The following ADAM9 variants were observed in gnomAD, a reference collection of about 807,000 sequenced individuals.
ADAM9 encodes the protein disintegrin and metalloproteinase domain-containing protein 9.
ADAM9 carries 54 observed loss-of-function variants against 108.1 expected under a neutral mutation model. The ratio of observed to expected loss-of-function variants is 0.50; its 90% CI spans 0.40 to 0.63. The LOEUF (loss-of-function observed/expected upper bound fraction) is 0.63, where lower values mean the gene tolerates loss of function less well. Ranked by LOEUF, ADAM9 falls within the 20% of genes least tolerant of loss-of-function variation. ADAM9 has a pLI of 0.00. For synonymous variants in ADAM9, 316 were observed against 336.0 expected (o/e 0.94, Z 0.65); for missense variants, 830 against 997.7 (o/e 0.83, Z 2.26).
chr8:39,017,529 A>G lies in ADAM9; in HGVS notation c.606+115A>G, dbSNP rs539729812. 7.6e-6 allele frequency: 8 copies of G among 1,045,782 alleles called. No homozygotes were observed. In the African/African-American group the frequency reaches 1.1e-4, roughly 14 times the overall value. 64.8% of individuals were successfully genotyped at this position (1,045,782 alleles called of 1,614,324 possible). ...TTTTTTTTCTTTTCTTAATTTTGCC[A>G]AATATATGCCAGACATTGTGATAGG... is the stretch of plus-strand genomic sequence containing the variant. On this transcript the variant is annotated intron_variant, in intron 6 of 21. Coordinates refer to ENST00000487273, the MANE Select transcript of ADAM9 (RefSeq NM_003816.3).
In ADAM9 at chr8:39,104,186, AATC is replaced by A. The variant is rs1186802215; in HGVS notation, c.*492_*494del. ...TATTTTTCATCATGCACGAATTAAT[AATC>A]ATCATACTCTAGAATCTTGTCTGTC... On this transcript the variant is annotated 3_prime_UTR_variant, in exon 22 of 22. Transcript: ENST00000487273. 5.5e-5 allele frequency: 25 copies of A among 454,044 alleles called. No individual in the cohort carries two copies. Among genetic ancestry groups the A allele is most frequent in the Admixed American group, 1.6e-4 (7 of 42,560 alleles). 28.1% of individuals were successfully genotyped at this position (454,044 alleles called of 1,614,324 possible). A position where few individuals can be genotyped will look rare whatever the true frequency, so the allele number is the denominator to read the frequency against.
At chr8:39,008,066 A>G in intron 2 of ADAM9, 83 bp downstream of exon 2, 1 of 1,021,194 alleles carries the variant, frequency 9.8e-7, no homozygotes, top group Non-Finnish European at 1.5e-6. Flanking sequence ...TGTAGCAGTG[A>G]TCAGTTCAGT....
chr8:39,083,067 T>C lies in ADAM9; in HGVS notation c.2062T>C (p.Tyr688His). ...YGGSVDSGPTYNEMNTALRDG... is the reference protein window; with the variant it reads ...YGGSVDSGPTHNEMNTALRDG... ...AGGAAGTGTGGACAGTGGACCTACATACAATGGCAAGTAATATAGAAGAAA... is the reference window on the plus strand; with the variant it reads ...AGGAAGTGTGGACAGTGGACCTACACACAATGGCAAGTAATATAGAAGAAA... The change falls in exon 18 of 22, where the codon TAC becomes CAC. Residue 688 changes from tyrosine to histidine, a missense_variant. Tyr to His is a moderately conservative substitution (Grantham distance 83). Transcript: ENST00000487273. 1.2e-6 allele frequency: 2 copies of C among 1,613,402 alleles called. No homozygotes were observed. The highest frequency in any genetic ancestry group is 1.3e-5 in the African/African-American group (1 of 75,010).
chr8:39,018,731 A>G (rs1836631754), intron 6 of ADAM9, 122 bp from the exon 7 acceptor site: 7 of 870,198 alleles, frequency 8.0e-6, no homozygotes, highest in Non-Finnish European at 1.1e-5. Flanking sequence ...TTGATATAGG[A>G]TATGTTAAGT....
chr8:39,096,329 T>A (rs1403319287), intron 20 of ADAM9, among the ~76,000 whole-genome samples: 5 of 151,836 alleles, frequency 3.3e-5, no homozygotes, highest in East Asian at 1.9e-4. Context: ...TTTGTGCATA[T>A]TCTATAGCAC....
rs1292440809 is a variant in ADAM9 at position 39,017,273 on chromosome 8, C to G, written c.465C>G (p.Ser155Arg). 1.2e-6 allele frequency: 2 copies of G among 1,614,146 alleles called. No homozygotes were observed. The highest frequency in any genetic ancestry group is 1.7e-6 in the Non-Finnish European group (2 of 1,180,022). The change falls in exon 6 of 22, where the codon AGC (serine) becomes AGG (arginine). Residue 155 changes from serine (S) to arginine (R), a missense_variant. By Grantham distance (110) the Ser-to-Arg change is moderately radical. Around this residue, in one of 3 missense-constraint regions of ADAM9, gnomAD observed 211 missense variants for 222.2 expected, o/e 0.95. Coordinates refer to ENST00000487273, the MANE Select transcript of ADAM9 (RefSeq NM_003816.3). ...ASYGIEPLQN[S>R]SHFEHIIYRM... is the part of the protein sequence containing the mutation. ...ATGGGATTGAACCCCTGCAGAACAG[C>G]TCTCATTTTGAGCACATCATTTATC... is the stretch of plus-strand genomic sequence containing the variant.
intron 15 of ADAM9, among the ~76,000 whole-genome samples, chr8:39,073,327 G>A (rs572324927): frequency 1.2e-4 from 18 of 152,248 alleles, no homozygotes; most frequent in Admixed American, 1.0e-3. Flanking sequence ...TTTTTGCTGT[G>A]TATGTTTTAA....
chr8:39,013,231 G>A (rs1836414690), intron 3 of ADAM9, among the ~76,000 whole-genome samples: 1 of 152,082 alleles, frequency 6.6e-6, no homozygotes, highest in Non-Finnish European at 1.5e-5. Flanking sequence ...TACTTAGGAG[G>A]TTAATTCTTA....
intron 20 of ADAM9, among the ~76,000 whole-genome samples, chr8:39,095,838 C>T (rs1329479088): frequency 1.3e-5 from 2 of 152,050 alleles, no homozygotes; most frequent in African/African-American, 4.8e-5. Flanking sequence ...TTGTTATATC[C>T]TTGTGATGAA....
At chr8:39,075,619 TTTTC>T (rs1470172830) in intron 15 of ADAM9, among the ~76,000 whole-genome samples, 1 of 152,232 alleles carries the variant, frequency 6.6e-6, no homozygotes, top group Admixed American at 6.5e-5. Context: ...GTTGAAGTGA[TTTTC>T]TTTGTCTTAA....
chr8:39,020,892 T>TA (rs11363050), intron 7 of ADAM9, among the ~76,000 whole-genome samples: 9 of 150,260 alleles, frequency 6.0e-5, no homozygotes, highest in South Asian at 2.1e-4. Flanking sequence ...TCTGTTAAAT[T>TA]AAAAAAAAAA....
At chr8:39,063,170 A>G (rs1588399608) in intron 14 of ADAM9, among the ~76,000 whole-genome samples, 1 of 152,334 alleles carries the variant, frequency 6.6e-6, no homozygotes, top group African/African-American at 2.4e-5. Context: ...CTGTCTGTGT[A>G]AATTAGAAAA....
chr8:39,009,683 A>G (rs1836281050), intron 2 of ADAM9, among the ~76,000 whole-genome samples: 1 of 152,168 alleles, frequency 6.6e-6, no homozygotes. Flanking sequence ...TTTGGTTAAT[A>G]TTTGGAGAAG....
chr8:39,013,302 A>T lies in ADAM9; in HGVS notation c.255-663A>T, dbSNP rs547329933. Among the ~76,000 whole-genome samples, 5 of 152,292 alleles carry T rather than the reference A, an allele frequency of 3.3e-5. No homozygotes were observed. The South Asian group carries it at 8.3e-4, about 25-fold the overall frequency. On this transcript the variant is annotated intron_variant, in intron 3 of 21. Coordinates refer to ENST00000487273, the MANE Select transcript of ADAM9 (RefSeq NM_003816.3). ...CATTTATTTTTCTAATGTAAATATG[A>T]TATACTGTCAATAACCCAGTTTTTA...
chr8:39,018,643 A>C (rs1454418352), intron 6 of ADAM9: 1 of 588,754 alleles, frequency 1.7e-6, no homozygotes, highest in Non-Finnish European at 3.0e-6. Flanking sequence ...ATCATCACTT[A>C]AAGTCATTAG....
chr8:39,004,277 A>G (rs1478912140), intron 1 of ADAM9, among the ~76,000 whole-genome samples: 1 of 151,006 alleles, frequency 6.6e-6, no homozygotes, highest in African/African-American at 2.4e-5. Context: ...GCAGTTGCAT[A>G]ATCATGGCTC....
In ADAM9 at chr8:39,103,806, A is replaced by G. The variant is rs756172354; in HGVS notation, c.*106A>G. The G allele has an allele frequency of 9.4e-7, 1 of 1,061,774 alleles. No homozygotes were observed. Among genetic ancestry groups the G allele is most frequent in the East Asian group, 2.4e-5 (1 of 41,836 alleles). 65.8% of individuals were successfully genotyped at this position (1,061,774 alleles called of 1,614,324 possible). A position where few individuals can be genotyped will look rare whatever the true frequency, so the allele number is the denominator to read the frequency against. ...CCTTTCTGTTGCAACTATGAATGAAAACAAAACACCACAAAACAGACTTCA... is the reference window on the plus strand; with the variant it reads ...CCTTTCTGTTGCAACTATGAATGAAGACAAAACACCACAAAACAGACTTCA... On this transcript the variant is annotated 3_prime_UTR_variant, in exon 22 of 22. Coordinates refer to ENST00000487273, the MANE Select transcript of ADAM9 (RefSeq NM_003816.3).
intron 14 of ADAM9, among the ~76,000 whole-genome samples, chr8:39,066,533 G>T (rs920863709): frequency 6.6e-6 from 1 of 152,136 alleles, no homozygotes; most frequent in African/African-American, 2.4e-5. Context: ...TGTGTCTGTT[G>T]GCTTCATAAA....
Position 39,018,931 on chromosome 8 carries a change from A to G in ADAM9, c.672+13A>G. ...AGACAAGGAAAGGGTAAGATTGGTG[A>G]CAATTTTTCTTCTTTTCCATGAAAA... On this transcript the variant is annotated intron_variant, in intron 7 of 21. Transcript: ENST00000487273. The G allele has an allele frequency of 1.2e-6, 2 of 1,613,376 alleles. No individual in the cohort carries two copies. The highest frequency in any genetic ancestry group is 1.1e-5 in the South Asian group (1 of 91,076).
Sources: gnomAD v4.1 joint callset for allele counts (sites outside exome capture counted in the v4.1 genomes callset) on GRCh38, gnomAD v4.1.1 for gene constraint, gnomAD v4.1.1 regional missense constraint, MANE v1.5 for transcripts, NCBI Gene and HGNC (gene_info 2026-07-23, HGNC 2026-07-21) for gene names.